The following TMPO variants were observed in gnomAD, a reference collection of about 807,000 sequenced individuals.
TMPO encodes LEM domain containing 4.
A neutral mutation model predicts 45.4 loss-of-function variants in TMPO; 22 were observed. The observed-to-expected ratio is 0.48, with a 90% CI of 0.35 to 0.69. The LOEUF (loss-of-function observed/expected upper bound fraction) is 0.69. Ranked by LOEUF, TMPO falls within the 30% of genes least tolerant of loss-of-function variation. The pLI is 0.01. For synonymous variants in TMPO, 241 were observed against 204.1 expected (o/e 1.18, Z -1.54); for missense variants, 512 against 548.8 (o/e 0.93, Z 0.67).
chr12:98,530,780 T>G (rs564114234), intron 2 of TMPO, among the ~76,000 whole-genome samples: 1 of 152,348 alleles, frequency 6.6e-6, no homozygotes, highest in East Asian at 1.9e-4. Flanking sequence ...ACAATCCGCT[T>G]ACATGTGATT....
chr12:98,535,673 A>G, intron 3 of TMPO: 1 of 985,398 alleles, frequency 1.0e-6, no homozygotes, highest in Non-Finnish European at 1.2e-6. Flanking sequence ...TGTGTGCTTT[A>G]TTCTTGGAGT....
chr12:98,529,920 A>G (rs1877065800), intron 2 of TMPO, among the ~76,000 whole-genome samples: 1 of 152,218 alleles, frequency 6.6e-6, no homozygotes, highest in Non-Finnish European at 1.5e-5. Flanking sequence ...TGCTATAGGT[A>G]TAGTTGCAAA....
chr12:98,527,338 A>T (rs1876844306), intron 1 of TMPO, among the ~76,000 whole-genome samples: 1 of 33,948 alleles, frequency 2.9e-5, no homozygotes, highest in African/African-American at 1.0e-4. Context: ...ATCTCTACAA[A>T]AAAAAAAAAA....
At chr12:98,539,388 C>T (rs992398733) in intron 4 of TMPO, among the ~76,000 whole-genome samples, 2 of 151,284 alleles carry the variant, frequency 1.3e-5, no homozygotes, top group African/African-American at 4.9e-5. Flanking sequence ...AGTTTAATGA[C>T]CCTCCAGTCA....
At chr12:98,516,180 C>T in intron 1 of TMPO, 34 bp downstream of exon 1, 2 of 1,327,286 alleles carry the variant, frequency 1.5e-6, no homozygotes, top group South Asian at 2.1e-5. Context: ...CAAAGGCGGG[C>T]GTTTGGCGGT....
Position 98,549,820 on chromosome 12 carries a change from G to A in TMPO, c.*1962G>A, listed in dbSNP as rs1450066370. On this transcript the variant is annotated 3_prime_UTR_variant, in exon 9 of 9. Transcript: ENST00000556029. The stretch of plus-strand genomic sequence containing the variant: ...ACACATTTTCACGTACTTTGCAATT[G>A]AGACCAGAAAGACTTGTAGGTCTTT... The A allele has an allele frequency of 1.3e-5, 2 of 152,098 alleles. No individual in the cohort carries two copies. The highest frequency in any genetic ancestry group is 4.8e-5 in the African/African-American group (2 of 41,388). The allele number at this position is 152,098 out of a possible 1,614,324, so 9.4% of individuals were successfully genotyped here. A position where few individuals can be genotyped will look rare whatever the true frequency, so the allele number is the denominator to read the frequency against.
intron 1 of TMPO, among the ~76,000 whole-genome samples, chr12:98,520,613 G>A (rs2121127991): frequency 6.8e-6 from 1 of 147,690 alleles, no homozygotes; most frequent in South Asian, 2.2e-4. Flanking sequence ...CCAATACCAG[G>A]TCTTATTTCT....
rs1375549657 is a variant in TMPO, at chr12:98,516,029, C to T, written c.162C>T (p.Pro54=). 1 of 1,611,606 alleles carries T rather than the reference C, an allele frequency of 6.2e-7. No individual in the cohort carries two copies. Among genetic ancestry groups the T allele is most frequent in the East Asian group, 2.2e-5 (1 of 44,840 alleles). ...HLTARNRPPL[P]AGTNSKGPPD... Reference sequence around the variant, plus strand: ...CGGCTCGCAACCGGCCGCCGCTCCCCGCCGGCACCAACAGCAAGGGGCCCC... The same window carrying T: ...CGGCTCGCAACCGGCCGCCGCTCCCTGCCGGCACCAACAGCAAGGGGCCCC... Residue 54 remains proline (P), a synonymous_variant, in exon 1 of 9, where the codon CCC becomes CCT. Transcript: ENST00000556029.
At chr12:98,529,611 C>CTGGA (rs200465911) in intron 2 of TMPO, among the ~76,000 whole-genome samples, 5,858 of 151,990 alleles carry the variant, frequency 0.039, 164 homozygotes, top group South Asian at 0.097. Flanking sequence ...GTTGTCCACG[C>CTGGA]TGGAGTGCAG....
At chr12:98,518,658 T>G (rs1876086040) in intron 1 of TMPO, among the ~76,000 whole-genome samples, 1 of 151,848 alleles carries the variant, frequency 6.6e-6, no homozygotes, top group South Asian at 2.1e-4. Flanking sequence ...AAAAGAGAGT[T>G]TATGTCCCCA....
Position 98,547,669 on chromosome 12 carries a change from T to G in TMPO, c.1176T>G (p.Pro392=). The change falls in exon 9 of 9, where the codon CCT becomes CCG. Residue 392 remains proline (P), a synonymous_variant. Coordinates refer to ENST00000556029, the MANE Select transcript of TMPO (RefSeq NM_001032283.3). Reference sequence around the variant, plus strand: ...AGTCTTTTTCATCTAAATATGTTCCTAAGTATGTTCCCTTGGCAGATGTCA... The same window carrying G: ...AGTCTTTTTCATCTAAATATGTTCCGAAGTATGTTCCCTTGGCAGATGTCA... ...MEESFSSKYV[P]KYVPLADVKS... The G allele has an allele frequency of 6.2e-7, 1 of 1,614,220 alleles. No homozygotes were observed.
At chr12:98,521,803 C>T (rs1876389767) in intron 1 of TMPO, among the ~76,000 whole-genome samples, 1 of 152,174 alleles carries the variant, frequency 6.6e-6, no homozygotes, top group Admixed American at 6.5e-5. Context: ...GATCTCGGCT[C>T]ACTGCAACCT....
rs1188500927 is a variant in TMPO at position 98,545,603 on chromosome 12, A to AT, written c.990+550dup. Reference sequence around the variant, plus strand: ...AACAGTAAAACAAGCTAAACATTATATTTTTTTTAATTTGGGCATATTGCA... The same window carrying AT: ...AACAGTAAAACAAGCTAAACATTATATTTTTTTTTAATTTGGGCATATTGCA... On this transcript the variant is annotated intron_variant, in intron 7 of 8. Coordinates refer to ENST00000556029, the MANE Select transcript of TMPO (RefSeq NM_001032283.3). Among the ~76,000 whole-genome samples, 16 of 152,124 alleles carry AT rather than the reference A, an allele frequency of 1.1e-4. No individual in the cohort carries two copies. In the East Asian group the frequency reaches 2.3e-3, roughly 22 times the overall value.
intron 1 of TMPO, among the ~76,000 whole-genome samples, chr12:98,525,479 G>A (rs991660373): frequency 6.6e-6 from 1 of 152,060 alleles, no homozygotes; most frequent in Non-Finnish European, 1.5e-5. Context: ...CATGGCTCAC[G>A]CCCGTAATCC....
intron 4 of TMPO, chr12:98,537,840 GAA>G: frequency 1.9e-6 from 1 of 540,104 alleles, no homozygotes; most frequent in East Asian, 2.8e-5. Context: ...TGTTTTGAAA[GAA>G]ATATTTTAAA....
chr12:98,532,965 C>T lies in TMPO; in HGVS notation c.565+1127C>T, dbSNP rs777779709. ...CCACCCGTCCTCCTTTGGGCAGTACCGAACTACAGGCAGCTAAGAAAGTAC... is the reference window on the plus strand; with the variant it reads ...CCACCCGTCCTCCTTTGGGCAGTACTGAACTACAGGCAGCTAAGAAAGTAC... On this transcript the variant is annotated intron_variant, in intron 3 of 8. Transcript: ENST00000556029. 6.2e-6 allele frequency: 10 copies of T among 1,614,106 alleles called. No homozygotes were observed. The Admixed American group carries it at 6.7e-5, about 11-fold the overall frequency.
intron 8 of TMPO, among the ~76,000 whole-genome samples, chr12:98,547,019 G>A (rs1166625608): frequency 6.8e-6 from 1 of 147,794 alleles, no homozygotes; most frequent in Non-Finnish European, 1.5e-5. Context: ...TAAGAAGGCA[G>A]GTTTAGTGAC....
At chr12:98,544,641 T>G in intron 6 of TMPO, 104 bp downstream of exon 6, 1 of 964,822 alleles carries the variant, frequency 1.0e-6, no homozygotes, top group Non-Finnish European at 1.6e-6. Context: ...TTTACATGTT[T>G]TTTTTTTTTA....
chr12:98,531,899 A>AC, intron 3 of TMPO, 61 bp downstream of exon 3: 1 of 1,441,160 alleles, frequency 6.9e-7, no homozygotes, highest in South Asian at 1.2e-5. Context: ...AAATTCAGTG[A>AC]CCATGAAGAA....
Sources: allele counts gnomAD v4.1 joint callset (sites outside exome capture counted in the v4.1 genomes callset), GRCh38; gene constraint gnomAD v4.1.1; transcripts MANE v1.5; gene names NCBI Gene and HGNC (gene_info 2026-07-23, HGNC 2026-07-21).